Variants in SH3PXD2B observed in about 807,000 individuals in gnomAD.
The protein encoded by SH3PXD2B is SH3 and PX domain-containing protein 2B.
Under a neutral mutation model 73.1 loss-of-function variants are expected in SH3PXD2B, and 37 were observed. The ratio of observed to expected loss-of-function variants is 0.51; its 90% confidence interval spans 0.39 to 0.67. The LOEUF (loss-of-function observed/expected upper bound fraction) is 0.67. Among genes scored for constraint, SH3PXD2B ranks in the 30% least tolerant of loss-of-function variants. The pLI is 0.00. For synonymous variants in SH3PXD2B, 457 were observed against 480.5 expected, an observed-to-expected ratio of 0.95 and a Z score of 0.64; for missense variants, 1,053 against 1,197.8, an observed-to-expected ratio of 0.88 and a Z score of 1.78.
chr5:172,349,736 T>C (rs1483707805), intron 10 of SH3PXD2B, among the ~76,000 whole-genome samples: 3 of 152,168 alleles, frequency 2.0e-5, no homozygotes, highest in African/African-American at 7.2e-5. Flanking sequence ...AGGAGTCGAT[T>C]AGACTAATTA....
chr5:172,391,822 A>C (rs192663881), intron 4 of SH3PXD2B, among the ~76,000 whole-genome samples: 2 of 152,332 alleles, frequency 1.3e-5, no homozygotes, highest in East Asian at 3.8e-4. Context: ...CAATTAAATT[A>C]AATTCAATTT....
At chr5:172,427,167 A>G (rs541650812) in intron 1 of SH3PXD2B, among the ~76,000 whole-genome samples, 1 of 152,336 alleles carries the variant, frequency 6.6e-6, no homozygotes, top group East Asian at 1.9e-4. Flanking sequence ...TCAGCTCTAA[A>G]AAGAGAAAAT....
intron 8 of SH3PXD2B, 52 bp downstream of exon 8, chr5:172,358,721 C>T (rs533608126): frequency 1.9e-5 from 29 of 1,505,136 alleles, no homozygotes; most frequent in African/African-American, 6.9e-5. Flanking sequence ...CCAGTATAGG[C>T]GATGACTGCA....
intron 1 of SH3PXD2B, 30 bp downstream of exon 1, chr5:172,454,248 A>C (rs747431510): frequency 1.3e-6 from 2 of 1,582,134 alleles, no homozygotes; most frequent in South Asian, 2.2e-5. Context: ...GCGCGGGCTC[A>C]AGGGGGCGTG....
chr5:172,344,563 G>A, intron 12 of SH3PXD2B, among the ~76,000 whole-genome samples: 1 of 141,904 alleles, frequency 7.0e-6, no homozygotes, highest in East Asian at 2.0e-4. Context: ...ACTCCAGCCT[G>A]GGCAACAGAG....
chr5:172,374,292 C>G (rs1294760524), intron 5 of SH3PXD2B, among the ~76,000 whole-genome samples: 3 of 152,116 alleles, frequency 2.0e-5, no homozygotes, highest in African/African-American at 7.2e-5. Flanking sequence ...GTGCACCTCC[C>G]AAGTGGTGAG....
At chr5:172,369,668 T>C (rs899359637) in intron 6 of SH3PXD2B, among the ~76,000 whole-genome samples, 5 of 152,070 alleles carry the variant, frequency 3.3e-5, no homozygotes, top group African/African-American at 1.2e-4. Context: ...CTCGGGAGGC[T>C]GAGGCAGAAG....
intron 6 of SH3PXD2B, among the ~76,000 whole-genome samples, chr5:172,368,684 TG>T (rs1232241941): frequency 2.6e-4 from 7 of 26,832 alleles, no homozygotes; most frequent in African/African-American, 1.4e-3. Context: ...AAAATATATA[TG>T]TTATATATAT....
intron 4 of SH3PXD2B, among the ~76,000 whole-genome samples, chr5:172,384,243 A>G (rs1004932754): frequency 3.3e-5 from 5 of 152,142 alleles, no homozygotes; most frequent in African/African-American, 4.8e-5. Context: ...CTCGTGGACC[A>G]ACGGAGAGAT....
intron 4 of SH3PXD2B, among the ~76,000 whole-genome samples, chr5:172,383,657 T>C (rs929481816): frequency 2.6e-5 from 4 of 152,182 alleles, no homozygotes; most frequent in African/African-American, 9.7e-5. Context: ...CACGTGTGCA[T>C]ATGCATGAAT....
Position 172,340,715 on chromosome 5 carries a change from C to T in SH3PXD2B, c.1189-799G>A, listed in dbSNP as rs144906169. On this transcript the variant is annotated intron_variant, in intron 12 of 12. Transcript: ENST00000311601. ...GTTCAAGCGATTCTCATGCCTTAGT[C>T]TCCCAAGTAGCTGGGATTACAGGCA... Among the ~76,000 whole-genome samples, 491 of 152,342 alleles carry T rather than the reference C, an allele frequency of 3.2e-3. 6 individuals carry two copies. The highest frequency in any genetic ancestry group is 0.011 in the African/African-American group (469 of 41,562).
rs556297872 is a variant in SH3PXD2B at position 172,370,290 on chromosome 5, T to C, written c.427+3500A>G. Among the ~76,000 whole-genome samples the C allele has an allele frequency of 6.7e-4, 102 of 152,322 alleles. 1 individual carries two copies. The highest frequency in any genetic ancestry group is 2.4e-3 in the African/African-American group (99 of 41,574). ...TTACTCTGTCCAAGAAGCTCAACTT[T>C]TGCCACCCAGTTTTAACACCTGATG... On this transcript the variant is annotated intron_variant, in intron 6 of 12. Transcript: ENST00000311601.
rs1396064484 is a variant in SH3PXD2B at position 172,335,766 on chromosome 5, G to T, written c.*2603C>A. 1.9e-5 allele frequency: 23 copies of T among 1,230,602 alleles called. No homozygotes were observed. The highest frequency in any genetic ancestry group is 2.1e-5 in the Non-Finnish European group (21 of 987,694). 76.2% of individuals were successfully genotyped at this position (1,230,602 alleles called of 1,614,324 possible). On this transcript the variant is annotated 3_prime_UTR_variant, in exon 13 of 13. Coordinates refer to ENST00000311601, the MANE Select transcript of SH3PXD2B (RefSeq NM_001017995.3). Reference sequence around the variant, plus strand: ...GCAAGGACAGCTAGGAGAGTGACTGGCCACCCTGACCCACCCACTGCCTGG... The same window carrying T: ...GCAAGGACAGCTAGGAGAGTGACTGTCCACCCTGACCCACCCACTGCCTGG...
chr5:172,385,388 A>C (rs1477518340), intron 4 of SH3PXD2B, among the ~76,000 whole-genome samples: 2 of 152,146 alleles, frequency 1.3e-5, no homozygotes, highest in Non-Finnish European at 2.9e-5. Context: ...TGGCCCATTT[A>C]AGAGATGGGG....
At chr5:172,369,872 C>T (rs183416599) in intron 6 of SH3PXD2B, among the ~76,000 whole-genome samples, 4 of 139,224 alleles carry the variant, frequency 2.9e-5, no homozygotes, top group East Asian at 2.3e-4. Flanking sequence ...CTTCACATTT[C>T]GTTTTGTTTA....
chr5:172,425,630 G>A (rs115705326), intron 1 of SH3PXD2B, among the ~76,000 whole-genome samples: 21 of 152,248 alleles, frequency 1.4e-4, no homozygotes, highest in African/African-American at 5.1e-4. Context: ...CTGAGCGGGG[G>A]AGGAGGCAGC....
rs1757198990 is a variant in SH3PXD2B at position 172,353,346 on chromosome 5, C to G, written c.785+542G>C. Among the ~76,000 whole-genome samples the G allele has an allele frequency of 6.6e-6, 1 of 152,168 alleles. No homozygotes were observed. The highest frequency in any genetic ancestry group is 2.4e-5 in the African/African-American group (1 of 41,428). On this transcript the variant is annotated intron_variant, in intron 9 of 12. Coordinates refer to ENST00000311601, the MANE Select transcript of SH3PXD2B (RefSeq NM_001017995.3). The surrounding 1 kb of genome is among the most constrained non-coding windows in gnomAD (Gnocchi z 4.3). ...TTCCCAGGACTTTCATTACTAAAAC[C>G]AGGCAAGGCAGGACGAGCTGGCCAC... is the stretch of plus-strand genomic sequence containing the variant.
In SH3PXD2B at chr5:172,335,366, A is replaced by C; in HGVS notation, c.*3003T>G. 8.2e-7 allele frequency: 1 copy of C among 1,216,768 alleles called. No individual in the cohort carries two copies. The highest frequency in any genetic ancestry group is 1.0e-6 in the Non-Finnish European group (1 of 978,998). The allele number at this position is 1,216,768 out of a possible 1,614,324, so 75.4% of individuals were successfully genotyped here. ...AGGGAGGGTCACTTGATTCCCTGGA[A>C]GCCCTCCGCACACTTCCCTGCTAAT... On this transcript the variant is annotated 3_prime_UTR_variant, in exon 13 of 13. Coordinates refer to ENST00000311601, the MANE Select transcript of SH3PXD2B (RefSeq NM_001017995.3).
intron 6 of SH3PXD2B, among the ~76,000 whole-genome samples, chr5:172,363,806 G>C (rs1757450015): frequency 6.6e-6 from 1 of 152,254 alleles, no homozygotes; most frequent in Non-Finnish European, 1.5e-5. Context: ...AAGTAAAGAA[G>C]TTGGGTTGCT....
Sources: allele counts gnomAD v4.1 joint callset (sites outside exome capture counted in the v4.1 genomes callset), GRCh38; gene constraint gnomAD v4.1.1; non-coding constraint Gnocchi (gnomAD v3.1); transcripts MANE v1.5; gene names NCBI Gene and HGNC (gene_info 2026-07-23, HGNC 2026-07-21).